Variants in UNC5B observed in about 807,000 individuals in gnomAD.
UNC5B encodes netrin receptor UNC5B.
A neutral mutation model predicts 103.7 loss-of-function variants in UNC5B; 56 were observed. The ratio of observed to expected loss-of-function variants is 0.54; its 90% CI spans 0.44 to 0.67. The LOEUF is 0.67. Ranked by LOEUF, UNC5B falls within the 30% of genes least tolerant of loss-of-function variation. The pLI is 0.00. For missense variants in UNC5B, 1,194 were observed against 1,284.5 expected (o/e 0.93, Z 1.08); for synonymous variants, 577 against 542.0 (o/e 1.06, Z -0.90).
At chr10:71,235,140 A>G (rs1220775210) in intron 1 of UNC5B, among the ~76,000 whole-genome samples, 1 of 152,152 alleles carries the variant, frequency 6.6e-6, no homozygotes, top group Non-Finnish European at 1.5e-5. Flanking sequence ...CCGCCCCAGA[A>G]GATAAGGATC....
chr10:71,262,310 G>A (rs867644457), intron 1 of UNC5B, among the ~76,000 whole-genome samples: 35 of 151,980 alleles, frequency 2.3e-4, no homozygotes, highest in Non-Finnish European at 4.4e-5. Context: ...GGTCCGGGCT[G>A]GAGTGGGTTG....
At chr10:71,293,604 T>C in intron 12 of UNC5B, 31 bp downstream of exon 12, 2 of 1,612,728 alleles carry the variant, frequency 1.2e-6, no homozygotes, top group Non-Finnish European at 1.7e-6. Flanking sequence ...CTGGCCCAGC[T>C]CTCCCAACCT....
At chr10:71,237,488 C>T (rs1843798828) in intron 1 of UNC5B, among the ~76,000 whole-genome samples, 1 of 152,160 alleles carries the variant, frequency 6.6e-6, no homozygotes, top group South Asian at 2.1e-4. Context: ...TGACCATGTG[C>T]CCTTGGGGTC....
intron 15 of UNC5B, among the ~76,000 whole-genome samples, chr10:71,297,571 C>T (rs1379575714): frequency 6.6e-6 from 1 of 152,258 alleles, no homozygotes; most frequent in Admixed American, 6.5e-5. Flanking sequence ...AGCCACTCCC[C>T]TTTTCTAGAC....
Position 71,212,937 on chromosome 10 carries a change from C to G in UNC5B, c.-49C>G, listed in dbSNP as rs773476583. On this transcript the variant is annotated 5_prime_UTR_variant, in exon 1 of 17. Coordinates refer to ENST00000335350, the MANE Select transcript of UNC5B (RefSeq NM_170744.5). ...GGAGACGGCGGCGGCGAGACTGGGG[C>G]CAGGGAGACAGCCCTGGGGGAGAGG... The G allele has an allele frequency of 8.0e-7, 1 of 1,255,208 alleles. No homozygotes were observed. Among genetic ancestry groups the G allele is most frequent in the East Asian group, 3.0e-5 (1 of 33,034 alleles). The allele number at this position is 1,255,208 out of a possible 1,614,324, so 77.8% of individuals were successfully genotyped here. A position where few individuals can be genotyped will look rare whatever the true frequency, so the allele number is the denominator to read the frequency against.
intron 13 of UNC5B, among the ~76,000 whole-genome samples, chr10:71,295,277 G>A (rs577579648): frequency 6.6e-6 from 1 of 152,192 alleles, no homozygotes; most frequent in Admixed American, 6.5e-5. Flanking sequence ...CCAGAGAGTG[G>A]TATAGAAATC....
At chr10:71,216,806 G>A (rs1487902275) in intron 1 of UNC5B, among the ~76,000 whole-genome samples, 1 of 152,118 alleles carries the variant, frequency 6.6e-6, no homozygotes, top group Non-Finnish European at 1.5e-5. Flanking sequence ...CTAAGACTTT[G>A]GGGATGGGCT....
In UNC5B at chr10:71,293,736, C is replaced by T. The variant is rs1382998026; in HGVS notation, c.1978C>T (p.Pro660Ser). 1 of 1,592,086 alleles carries T rather than the reference C, an allele frequency of 6.3e-7. No individual in the cohort carries two copies. Among genetic ancestry groups the T allele is most frequent in the South Asian group, 1.1e-5 (1 of 88,422 alleles). The change falls in exon 13 of 17, where the codon CCC becomes TCC. Residue 660 changes from proline to serine, a missense_variant. Transcript: ENST00000335350. ...CCTGGATGAGGAGACCCTGAACACACCCTGCTACTGCCAGCTGGAGCCCAG... is the reference window on the plus strand; with the variant it reads ...CCTGGATGAGGAGACCCTGAACACATCCTGCTACTGCCAGCTGGAGCCCAG... ...VTLDEETLNT[P>S]CYCQLEPRAC...
intron 1 of UNC5B, among the ~76,000 whole-genome samples, chr10:71,262,400 T>C (rs1844434070): frequency 6.8e-6 from 1 of 146,382 alleles, no homozygotes; most frequent in Admixed American, 6.7e-5. Flanking sequence ...AGGGCCAGGA[T>C]TGTGGGGGGG....
At chr10:71,242,200 C>T (rs992471855) in intron 1 of UNC5B, among the ~76,000 whole-genome samples, 3 of 152,204 alleles carry the variant, frequency 2.0e-5, no homozygotes, top group African/African-American at 7.2e-5. Context: ...TGGCGTCCGT[C>T]GGCCGTGGCC....
chr10:71,246,990 G>T (rs1844053013), intron 1 of UNC5B, among the ~76,000 whole-genome samples: 1 of 152,164 alleles, frequency 6.6e-6, no homozygotes, highest in South Asian at 2.1e-4. Context: ...TCCAGGACCT[G>T]TCTGATCACG....
chr10:71,289,093 T>C lies in UNC5B; in HGVS notation c.1099+103T>C. The stretch of plus-strand genomic sequence containing the variant: ...GGTGCAGGGCAGGGAGAGCTGAAGG[T>C]GCCTACCCACCCCCCACGGGATCAT... On this transcript the variant is annotated intron_variant, in intron 8 of 16. Transcript: ENST00000335350. The C allele has an allele frequency of 2.0e-6, 3 of 1,512,700 alleles. No individual in the cohort carries two copies. In the South Asian group the frequency reaches 3.5e-5, roughly 17 times the overall value. 93.7% of individuals were successfully genotyped at this position (1,512,700 alleles called of 1,614,324 possible). A position where few individuals can be genotyped will look rare whatever the true frequency, so the allele number is the denominator to read the frequency against.
At chr10:71,299,009 C>A in intron 16 of UNC5B, 103 bp from the exon 17 acceptor site, 3 of 1,484,838 alleles carry the variant, frequency 2.0e-6, no homozygotes, top group Admixed American at 3.7e-5. Flanking sequence ...AGTGGGACAC[C>A]AAAGCTCACA....
intron 1 of UNC5B, among the ~76,000 whole-genome samples, chr10:71,272,869 T>C (rs1844679402): frequency 7.9e-6 from 1 of 127,180 alleles, no homozygotes; most frequent in African/African-American, 2.8e-5. Context: ...CCCAGGCACA[T>C]GCACTGCCTG....
In UNC5B at chr10:71,296,635, A is replaced by G; in HGVS notation, c.2383A>G (p.Thr795Ala). ...GSQKALHCTFTLERHSLASTE... is the reference protein window; with the variant it reads ...GSQKALHCTFALERHSLASTE... ...CCAGAAGGCCCTCCACTGCACTTTC[A>G]CCCTGGAGAGGCACAGCTTGGCCTC... The change falls in exon 15 of 17, where the codon ACC (threonine) becomes GCC (alanine). Residue 795 changes from threonine to alanine, a missense_variant. Physicochemically the swap from Thr to Ala is moderately conservative, Grantham distance 58 (BLOSUM62 0). Transcript: ENST00000335350. 6.2e-7 allele frequency: 1 copy of G among 1,613,666 alleles called. No homozygotes were observed. The highest frequency in any genetic ancestry group is 2.2e-5 in the East Asian group (1 of 44,864).
At chr10:71,264,843 G>T (rs1342936877) in intron 1 of UNC5B, among the ~76,000 whole-genome samples, 1 of 152,002 alleles carries the variant, frequency 6.6e-6, no homozygotes, top group Non-Finnish European at 1.5e-5. Context: ...GGTTAAAGAG[G>T]ATGGACTTGG....
chr10:71,252,856 G>T (rs1019318283), intron 1 of UNC5B, among the ~76,000 whole-genome samples: 1 of 152,128 alleles, frequency 6.6e-6, no homozygotes, highest in Non-Finnish European at 1.5e-5. Flanking sequence ...ACCTGACTCA[G>T]CCTGGCAGTC....
chr10:71,223,115 G>T (rs902529288), intron 1 of UNC5B, among the ~76,000 whole-genome samples: 3 of 152,168 alleles, frequency 2.0e-5, no homozygotes, highest in Non-Finnish European at 4.4e-5. Flanking sequence ...GGGCTCCAGG[G>T]TTGGGGAGAC....
Position 71,222,793 on chromosome 10 carries a change from G to A in UNC5B, c.79+9729G>A, listed in dbSNP as rs1843477638. 2.6e-5 allele frequency among the ~76,000 whole-genome samples: 4 copies of A among 152,256 alleles called. No homozygotes were observed. In the South Asian group the frequency reaches 8.3e-4, roughly 32 times the overall value. On this transcript the variant is annotated intron_variant, in intron 1 of 16. Coordinates refer to ENST00000335350, the MANE Select transcript of UNC5B (RefSeq NM_170744.5). ...AGCCTGCAACCCCCAGAGGCCCCAAGCGGCATCTGGAGGCATTACTGCCTT... is the reference window on the plus strand; with the variant it reads ...AGCCTGCAACCCCCAGAGGCCCCAAACGGCATCTGGAGGCATTACTGCCTT...
Sources: gnomAD v4.1 joint callset for allele counts (sites outside exome capture counted in the v4.1 genomes callset) on GRCh38, gnomAD v4.1.1 for gene constraint, MANE v1.5 for transcripts, NCBI Gene and HGNC (gene_info 2026-07-23, HGNC 2026-07-21) for gene names.